SLCO1B1: variants seen among roughly 807,000 people sequenced by gnomAD.
SLCO1B1 encodes OATP-2.
SLCO1B1 carries 81 observed loss-of-function variants against 70.1 expected under a neutral mutation model. The observed-to-expected ratio is 1.16, with a 90% confidence interval of 0.97 to 1.39. The LOEUF is 1.39. Ranked by LOEUF, SLCO1B1 falls within the 40% of genes most tolerant of loss-of-function variation. SLCO1B1 has a pLI of 0.00. For missense variants in SLCO1B1, 895 were observed against 799.6 expected, an observed-to-expected ratio of 1.12 and a Z score of -1.44; for synonymous variants, 283 against 271.5, an observed-to-expected ratio of 1.04 and a Z score of -0.42.
chr12:21,189,255 C>T (rs1172331568), intron 7 of SLCO1B1, among the ~76,000 whole-genome samples: 1 of 152,142 alleles, frequency 6.6e-6, no homozygotes, highest in East Asian at 1.9e-4. Flanking sequence ...AATATCTCCA[C>T]ATTCTTGCAA....
At chr12:21,189,799 A>G (rs1941007732) in intron 7 of SLCO1B1, among the ~76,000 whole-genome samples, 1 of 152,196 alleles carries the variant, frequency 6.6e-6, no homozygotes. Flanking sequence ...AAATACATAT[A>G]TAAGTGGAAT....
chr12:21,233,694 A>G (rs1308122689), intron 14 of SLCO1B1, among the ~76,000 whole-genome samples: 2 of 152,164 alleles, frequency 1.3e-5, no homozygotes, highest in African/African-American at 4.8e-5. Flanking sequence ...TGCCTAGAAT[A>G]CTCACCAAAT....
At position 21,213,102 on chromosome 12, in the gene SLCO1B1, T is replaced by C. The variant is rs560804742; in HGVS notation, c.1498-4017T>C. On this transcript the variant is annotated intron_variant, in intron 11 of 14. Coordinates refer to ENST00000256958, the MANE Select transcript of SLCO1B1 (RefSeq NM_006446.5). The stretch of plus-strand genomic sequence containing the variant: ...ATTGTTATGTGTGAATTTGATCCTG[T>C]CTTTATGATGTTAGCTGGTTATTTT... 4.0e-3 allele frequency among the ~76,000 whole-genome samples: 602 copies of C among 152,128 alleles called. 6 individuals are homozygous for C. The highest frequency in any genetic ancestry group is 0.014 in the African/African-American group (587 of 41,394).
intron 14 of SLCO1B1, 76 bp downstream of exon 14, chr12:21,224,915 T>C (rs1941467952): frequency 2.8e-6 from 2 of 720,392 alleles, no homozygotes; most frequent in Admixed American, 2.5e-5. Flanking sequence ...TTTCATTATA[T>C]AATAATATTA....
chr12:21,213,791 C>T lies in SLCO1B1; in HGVS notation c.1498-3328C>T, dbSNP rs1203799996. ...TTTTATTCTTTTTTCTCTAAACTTC[C>T]CTTCTCACTTCATTTCATTCATTTC... On this transcript the variant is annotated intron_variant, in intron 11 of 14. Transcript: ENST00000256958. 1.4e-3 allele frequency among the ~76,000 whole-genome samples: 205 copies of T among 149,344 alleles called. 1 individual carries two copies. The highest frequency in any genetic ancestry group is 4.9e-3 in the African/African-American group (199 of 40,450).
intron 2 of SLCO1B1, among the ~76,000 whole-genome samples, chr12:21,152,854 A>G (rs780846718): frequency 3.9e-5 from 6 of 152,176 alleles, no homozygotes; most frequent in African/African-American, 1.2e-4. Context: ...AAAGAACAAG[A>G]TAATTTTTCT....
intron 10 of SLCO1B1, among the ~76,000 whole-genome samples, chr12:21,204,201 C>G (rs1055562131): frequency 5.3e-5 from 8 of 151,552 alleles, no homozygotes; most frequent in African/African-American, 1.9e-4. Flanking sequence ...CTCTAAGGAT[C>G]CCTGAGACTT....
chr12:21,234,041 G>T (rs576429904), intron 14 of SLCO1B1, among the ~76,000 whole-genome samples: 1 of 152,346 alleles, frequency 6.6e-6, no homozygotes, highest in East Asian at 1.9e-4. Context: ...TTCATGCAGA[G>T]CCAGCTGTGC....
At chr12:21,150,012 A>AG (rs1300425400) in intron 2 of SLCO1B1, among the ~76,000 whole-genome samples, 2 of 152,070 alleles carry the variant, frequency 1.3e-5, no homozygotes, top group Non-Finnish European at 2.9e-5. Flanking sequence ...CGAGCTTGGT[A>AG]GGGGGAGGGG....
intron 2 of SLCO1B1, among the ~76,000 whole-genome samples, chr12:21,152,532 GC>G (rs1940484865): frequency 1.3e-4 from 1 of 7,918 alleles, no homozygotes; most frequent in Non-Finnish European, 6.1e-4. Flanking sequence ...GAGAGGAGAG[GC>G]TTTTTTTTTT....
chr12:21,173,495 T>A (rs1940779988), intron 3 of SLCO1B1, among the ~76,000 whole-genome samples: 1 of 151,958 alleles, frequency 6.6e-6, no homozygotes, highest in Non-Finnish European at 1.5e-5. Flanking sequence ...AGTTCTAATT[T>A]GTATATTTAA....
chr12:21,131,672 GTTAATTGGCAA>G (rs1940135357), intron 1 of SLCO1B1, among the ~76,000 whole-genome samples: 1 of 144,808 alleles, frequency 6.9e-6, no homozygotes, highest in Non-Finnish European at 1.5e-5. Flanking sequence ...AGAGGGAAGA[GTTAATTGGCAA>G]ACATAAAAAA....
In SLCO1B1 at chr12:21,223,279, A is replaced by G. The variant is rs112416522; in HGVS notation, c.1747+915A>G. 3.8e-3 allele frequency among the ~76,000 whole-genome samples: 586 copies of G among 152,316 alleles called. 4 individuals are homozygous for G. Among genetic ancestry groups the G allele is most frequent in the African/African-American group, 0.013 (552 of 41,564 alleles). ...CGATGGAACCTAAATGCACCTATGG[A>G]AAAAATACACATTTAGTACAAAACT... On this transcript the variant is annotated intron_variant, in intron 13 of 14. Transcript: ENST00000256958.
At chr12:21,221,906 A>G (rs1345549967) in intron 12 of SLCO1B1, among the ~76,000 whole-genome samples, 2 of 152,098 alleles carry the variant, frequency 1.3e-5, no homozygotes, top group East Asian at 3.9e-4. Flanking sequence ...ACTATTGGAT[A>G]TCTACCAAAA....
At chr12:21,173,846 C>T (rs1940786498) in intron 3 of SLCO1B1, among the ~76,000 whole-genome samples, 1 of 150,610 alleles carries the variant, frequency 6.6e-6, no homozygotes, top group Non-Finnish European at 1.5e-5. Context: ...GATCTCCCCT[C>T]ACTGCAAGCT....
intron 2 of SLCO1B1, chr12:21,164,730 A>G (rs1940663854): frequency 3.6e-5 from 16 of 445,744 alleles, no homozygotes; most frequent in South Asian, 2.6e-4. Flanking sequence ...TGTTTTAAGT[A>G]TTTTGTGTCT....
intron 1 of SLCO1B1, among the ~76,000 whole-genome samples, chr12:21,140,445 G>A (rs1940292950): frequency 6.6e-6 from 1 of 151,988 alleles, no homozygotes; most frequent in Non-Finnish European, 1.5e-5. Context: ...AGTCTTTAAA[G>A]TAGGACTTTA....
chr12:21,137,362 A>C (rs1275509993), intron 1 of SLCO1B1, among the ~76,000 whole-genome samples: 1 of 152,168 alleles, frequency 6.6e-6, no homozygotes, highest in Non-Finnish European at 1.5e-5. Flanking sequence ...CAAAGCTGTC[A>C]GAGAGGGACA....
At chr12:21,238,670 A>T (rs1466734223) in intron 14 of SLCO1B1, among the ~76,000 whole-genome samples, 1 of 152,082 alleles carries the variant, frequency 6.6e-6, no homozygotes, top group Non-Finnish European at 1.5e-5. Flanking sequence ...TAAATTTCAA[A>T]CATACTTCTC....
Sources: allele counts gnomAD v4.1 joint callset (sites outside exome capture counted in the v4.1 genomes callset), GRCh38; gene constraint gnomAD v4.1.1; transcripts MANE v1.5; gene names NCBI Gene and HGNC (gene_info 2026-07-23, HGNC 2026-07-21).